Variants in HDAC9 observed in about 807,000 individuals in gnomAD.
HDAC9 encodes histone deacetylase 9.
HDAC9 carries 41 observed loss-of-function variants against 139.4 expected under a neutral mutation model. That is an observed-to-expected ratio of 0.29 (90% CI 0.23 to 0.38). HDAC9 has a LOEUF of 0.38. HDAC9 is among the 10% of genes least tolerant of loss of function. The pLI is 1.00. For missense variants in HDAC9, 1,147 were observed against 1,297.0 expected (o/e 0.88, Z 1.78); for synonymous variants, 517 against 476.2 (o/e 1.09, Z -1.12).
intron 1 of HDAC9, among the ~76,000 whole-genome samples, chr7:18,468,127 T>C (rs551276727): frequency 6.6e-6 from 1 of 152,296 alleles, no homozygotes; most frequent in East Asian, 1.9e-4. Context: ...GCTGAGGTAA[T>C]GTTTGCTAGA....
chr7:18,732,893 A>ATG (rs1562893364), intron 13 of HDAC9, among the ~76,000 whole-genome samples: 3 of 64,482 alleles, frequency 4.7e-5, no homozygotes, highest in Non-Finnish European at 1.1e-4. Context: ...GCGTATGTGT[A>ATG]CACACACACG....
intron 1 of HDAC9, among the ~76,000 whole-genome samples, chr7:18,446,511 T>C (rs189351637): frequency 3.9e-5 from 6 of 152,338 alleles, no homozygotes; most frequent in Non-Finnish European, 5.9e-5. Flanking sequence ...TATTCAAATA[T>C]ATTAGGTTTT....
intron 1 of HDAC9, among the ~76,000 whole-genome samples, chr7:18,298,682 G>C (rs1798315309): frequency 6.6e-6 from 1 of 152,080 alleles, no homozygotes; most frequent in Non-Finnish European, 1.5e-5. Flanking sequence ...TCTTTGTTTA[G>C]CTTGTATTTG....
chr7:18,186,005 G>A (rs866800605), intron 2 of HDAC9, among the ~76,000 whole-genome samples: 31 of 152,128 alleles, frequency 2.0e-4, no homozygotes, highest in South Asian at 6.2e-4. Context: ...CAGGTTCTAA[G>A]TGTATTAAGT....
intron 2 of HDAC9, among the ~76,000 whole-genome samples, chr7:18,191,222 C>CA (rs1790331281): frequency 1.3e-5 from 2 of 151,994 alleles, no homozygotes; most frequent in South Asian, 4.1e-4. Context: ...GTAAGCTATA[C>CA]AAAAAAATTA....
intron 1 of HDAC9, among the ~76,000 whole-genome samples, chr7:18,347,830 G>T (rs538469775): frequency 2.4e-4 from 37 of 152,146 alleles, no homozygotes; most frequent in Admixed American, 1.6e-3. Flanking sequence ...ACCCACCTCG[G>T]CCTCCCCAAG....
At chr7:18,174,094 T>C (rs1358738441) in intron 2 of HDAC9, among the ~76,000 whole-genome samples, 1 of 152,264 alleles carries the variant, frequency 6.6e-6, no homozygotes, top group African/African-American at 2.4e-5. Flanking sequence ...CAATCAGATG[T>C]AGATTTGGTC....
intron 2 of HDAC9, among the ~76,000 whole-genome samples, chr7:18,257,431 A>G (rs1795345734): frequency 6.6e-6 from 1 of 150,552 alleles, no homozygotes; most frequent in South Asian, 2.1e-4. Context: ...ACACACACAC[A>G]CACACAAAAA....
intron 11 of HDAC9, among the ~76,000 whole-genome samples, chr7:18,655,830 G>A (rs1790953391): frequency 6.6e-6 from 1 of 152,098 alleles, no homozygotes; most frequent in Non-Finnish European, 1.5e-5. Context: ...AAGAAAACGG[G>A]GGGAAGAAAA....
intron 2 of HDAC9, among the ~76,000 whole-genome samples, chr7:18,513,171 G>T (rs1052194362): frequency 8.5e-5 from 13 of 152,146 alleles, no homozygotes; most frequent in Non-Finnish European, 1.8e-4. Context: ...TTTCTGCAAA[G>T]CCTATGTATT....
chr7:18,835,947 AG>A lies in HDAC9; in HGVS notation c.2636del (p.Gly879ValfsTer20). 1 of 1,565,974 alleles carries A rather than the reference AG, an allele frequency of 6.4e-7. No homozygotes were observed. Reference protein sequence around the residue: ...EGYNINIAWTGGLDPPMGDVE... With the variant: ...EGYNINIAWTXGLDPPMGDVE... ...GGTACAATATAAATATTGCCTGGAC[AG>A]GTGGCCTTGATCCTCCCATGGGAGA... On this transcript the variant is annotated frameshift_variant, in exon 21 of 26. Transcript: ENST00000686413. LOFTEE classifies it high-confidence loss of function.
At chr7:18,718,569 C>A (rs1202553630) in intron 12 of HDAC9, among the ~76,000 whole-genome samples, 3 of 152,246 alleles carry the variant, frequency 2.0e-5, no homozygotes, top group Admixed American at 2.0e-4. Flanking sequence ...CTCATGTTTT[C>A]AAGGTTCATC....
chr7:18,624,127 C>G (rs901061352), intron 6 of HDAC9, among the ~76,000 whole-genome samples: 1 of 152,130 alleles, frequency 6.6e-6, no homozygotes, highest in Non-Finnish European at 1.5e-5. Context: ...CAGTGTCACT[C>G]ACTGTACCTT....
At chr7:18,724,753 C>T (rs2129126833) in intron 12 of HDAC9, among the ~76,000 whole-genome samples, 1 of 152,292 alleles carries the variant, frequency 6.6e-6, no homozygotes, top group South Asian at 2.1e-4. Flanking sequence ...GAATGCATGG[C>T]TGTCTTTAGT....
At chr7:18,708,678 T>C (rs1054698324) in intron 12 of HDAC9, among the ~76,000 whole-genome samples, 1 of 151,990 alleles carries the variant, frequency 6.6e-6, no homozygotes, top group African/African-American at 2.4e-5. Flanking sequence ...ACTTGAATGG[T>C]GAAAGGTTTG....
chr7:18,823,668 T>C (rs1360577347), intron 17 of HDAC9, among the ~76,000 whole-genome samples: 2 of 152,020 alleles, frequency 1.3e-5, no homozygotes, highest in Non-Finnish European at 2.9e-5. Flanking sequence ...CCCAGTGAGA[T>C]AGGCTGGTAC....
chr7:18,634,373 T>A (rs1416154857), intron 7 of HDAC9, among the ~76,000 whole-genome samples: 1 of 151,588 alleles, frequency 6.6e-6, no homozygotes, highest in East Asian at 1.9e-4. Context: ...TGTGACCCTC[T>A]CTAACTGGAT....
At chr7:18,822,632 C>T (rs113476423) in intron 17 of HDAC9, among the ~76,000 whole-genome samples, 10 of 152,068 alleles carry the variant, frequency 6.6e-5, no homozygotes, top group South Asian at 2.1e-4. Flanking sequence ...GGATTACAGG[C>T]GTGAGCCAGC....
chr7:18,641,177 A>G (rs947043365), intron 8 of HDAC9, among the ~76,000 whole-genome samples: 3 of 152,130 alleles, frequency 2.0e-5, no homozygotes, highest in East Asian at 1.9e-4. Flanking sequence ...ATTGAGAGGC[A>G]TAATGTTCCA....
Sources: gnomAD v4.1 joint callset for allele counts (sites outside exome capture counted in the v4.1 genomes callset) on GRCh38, gnomAD v4.1.1 for gene constraint, MANE v1.5 for transcripts, NCBI Gene and HGNC (gene_info 2026-07-23, HGNC 2026-07-21) for gene names.